Variants in ARFGEF3 observed in about 807,000 individuals in gnomAD.
ARFGEF3 encodes ARFGEF family member 3, also known as brefeldin A-inhibited guanine nucleotide-exchange protein 3.
ARFGEF3 carries 96 observed loss-of-function variants against 221.7 expected under a neutral mutation model. That is an observed-to-expected ratio of 0.43 (90% CI 0.37 to 0.51). ARFGEF3 has a LOEUF of 0.51. Among genes scored for constraint, ARFGEF3 ranks in the 20% least tolerant of loss-of-function variants. ARFGEF3 has a pLI of 0.00. For missense variants in ARFGEF3, 2,410 were observed against 2,789.9 expected, an observed-to-expected ratio of 0.86 and a Z score of 3.07; for synonymous variants, 1,145 against 1,126.8, an observed-to-expected ratio of 1.02 and a Z score of -0.32.
chr6:138,255,385 T>C, intron 9 of ARFGEF3, 51 bp from the exon 10 acceptor site: 1 of 1,378,846 alleles, frequency 7.3e-7, no homozygotes, highest in Non-Finnish European at 1.0e-6. Flanking sequence ...CAGAGTAAAT[T>C]TTATCATTTG....
At chr6:138,173,731 T>C (rs1037166961) in intron 2 of ARFGEF3, among the ~76,000 whole-genome samples, 2 of 152,198 alleles carry the variant, frequency 1.3e-5, no homozygotes, top group African/African-American at 2.4e-5. Context: ...CAACGATCTT[T>C]TGCTTTACCC....
chr6:138,305,945 A>G (rs1397483701), intron 22 of ARFGEF3, among the ~76,000 whole-genome samples: 1 of 152,152 alleles, frequency 6.6e-6, no homozygotes, highest in Non-Finnish European at 1.5e-5. Context: ...AATCAGTAAT[A>G]AGATGAGGAT....
intron 12 of ARFGEF3, among the ~76,000 whole-genome samples, chr6:138,272,566 T>C (rs1315067013): frequency 6.6e-6 from 1 of 152,254 alleles, no homozygotes; most frequent in East Asian, 1.9e-4. Flanking sequence ...TTAATACTGC[T>C]TATCTCAGCC....
At chr6:138,273,125 T>C (rs1025392192) in intron 12 of ARFGEF3, among the ~76,000 whole-genome samples, 1 of 152,230 alleles carries the variant, frequency 6.6e-6, no homozygotes, top group Admixed American at 6.5e-5. Context: ...ACATATGTAG[T>C]GTGATCTCGC....
At chr6:138,278,429 G>A in intron 12 of ARFGEF3, 22 bp from the exon 13 acceptor site, 2 of 1,611,118 alleles carry the variant, frequency 1.2e-6, no homozygotes, top group Non-Finnish European at 1.7e-6. Flanking sequence ...ACCCCCAAAA[G>A]TCCCTTCATT....
At chr6:138,305,087 A>T (rs7758313) in intron 22 of ARFGEF3, among the ~76,000 whole-genome samples, 31,137 of 150,972 alleles carry the variant, frequency 0.21, 3,510 homozygotes, top group East Asian at 0.45. Flanking sequence ...AAAAAAAAAA[A>T]CCTTCCCACA....
chr6:138,257,685 G>GC (rs1228108441), intron 10 of ARFGEF3, among the ~76,000 whole-genome samples: 1 of 152,128 alleles, frequency 6.6e-6, no homozygotes, highest in Non-Finnish European at 1.5e-5. Context: ...ATGACCCCCA[G>GC]CAGCCCCTTT....
chr6:138,284,247 G>C (rs1779246541), intron 14 of ARFGEF3, among the ~76,000 whole-genome samples: 1 of 152,174 alleles, frequency 6.6e-6, no homozygotes, highest in Non-Finnish European at 1.5e-5. Context: ...GGAAGTTGCA[G>C]TGAGCTGAGA....
chr6:138,334,517 C>G lies in ARFGEF3; in HGVS notation c.5671C>G (p.Pro1891Ala), dbSNP rs758993105. Residue 1891 changes from proline (P) to alanine (A), a missense_variant, in exon 33 of 34, where the codon CCT (proline) becomes GCT (alanine). Pro to Ala is a conservative substitution (Grantham distance 27). This residue lies in a region of ARFGEF3 where 723 missense variants were observed against 991.9 expected (regional missense o/e 0.73). Transcript: ENST00000251691. This position sits in a 1 kb window ranked among gnomAD's most constrained non-coding sequence, Gnocchi z 5.1. The part of the protein sequence containing the change: ...RARMPLLSVQ[P>A]VSNADWVWLV... ...ACGGATGCCCTTGCTCAGCGTCCAG[C>G]CTGTCAGCAACGCAGATTGGGTGTG... The G allele has an allele frequency of 1.9e-6, 3 of 1,612,530 alleles. No homozygotes were observed. In the African/African-American group the frequency reaches 4.0e-5, roughly 22 times the overall value.
At chr6:138,249,532 T>G (rs528906858) in intron 8 of ARFGEF3, among the ~76,000 whole-genome samples, 8 of 152,278 alleles carry the variant, frequency 5.3e-5, no homozygotes, top group Admixed American at 5.2e-4. Context: ...GGTTTCACCA[T>G]GTTGGCTAGG....
chr6:138,184,288 C>G (rs982481128), intron 2 of ARFGEF3, among the ~76,000 whole-genome samples: 5 of 151,924 alleles, frequency 3.3e-5, no homozygotes, highest in Non-Finnish European at 5.9e-5. Flanking sequence ...TAATATTCCC[C>G]CAAACAATGT....
chr6:138,286,557 T>A (rs940304763), intron 15 of ARFGEF3, 144 bp from the exon 16 acceptor site: 13 of 651,918 alleles, frequency 2.0e-5, no homozygotes, highest in East Asian at 1.1e-4. Flanking sequence ...TGAAACATAA[T>A]CCCATATAAT....
In ARFGEF3 at chr6:138,263,544, C is replaced by A; in HGVS notation, c.2061C>A (p.Leu687=). 1 of 1,613,224 alleles carries A rather than the reference C, an allele frequency of 6.2e-7. No homozygotes were observed. The highest frequency in any genetic ancestry group is 1.3e-5 in the African/African-American group (1 of 75,058). The change falls in exon 12 of 34, where the codon CTC becomes CTA. Residue 687 remains leucine, a synonymous_variant. Transcript: ENST00000251691. The part of the protein sequence containing the change: ...IQSLEGLLPR[L]LSLSNVEEVD... The stretch of plus-strand genomic sequence containing the variant: ...CCCTGGAAGGCCTCCTCCCTCGGCT[C>A]CTGTCTCTCTCCAATGTAGAGGAGG...
intron 8 of ARFGEF3, among the ~76,000 whole-genome samples, chr6:138,247,980 T>A (rs1432777597): frequency 6.6e-6 from 1 of 152,202 alleles, no homozygotes; most frequent in Non-Finnish European, 1.5e-5. Flanking sequence ...TTATAGGATT[T>A]TAACATGAGT....
chr6:138,204,697 A>G (rs141656151), intron 2 of ARFGEF3, among the ~76,000 whole-genome samples: 1 of 152,330 alleles, frequency 6.6e-6, no homozygotes, highest in East Asian at 1.9e-4. Context: ...ACTCTGCAGG[A>G]TTGGTCTTCA....
At chr6:138,296,111 A>G (rs1217121103) in intron 20 of ARFGEF3, among the ~76,000 whole-genome samples, 2 of 152,132 alleles carry the variant, frequency 1.3e-5, no homozygotes, top group Non-Finnish European at 2.9e-5. Flanking sequence ...TAGGGCACCA[A>G]GAGAGCCCCG....
intron 2 of ARFGEF3, among the ~76,000 whole-genome samples, chr6:138,189,845 C>T (rs887263723): frequency 1.4e-4 from 22 of 152,056 alleles, no homozygotes; most frequent in African/African-American, 4.8e-4. Flanking sequence ...TTTAGGAGGC[C>T]GAGGAGGGAG....
intron 2 of ARFGEF3, among the ~76,000 whole-genome samples, chr6:138,172,860 A>G (rs1022603998): frequency 6.6e-6 from 1 of 152,174 alleles, no homozygotes. Context: ...TGCTAACCAT[A>G]TTGACATTTT....
chr6:138,183,485 G>C (rs1470299239), intron 2 of ARFGEF3, among the ~76,000 whole-genome samples: 2 of 152,096 alleles, frequency 1.3e-5, no homozygotes, highest in African/African-American at 4.8e-5. Flanking sequence ...ACATGTTAAC[G>C]TCTGTATCGG....
Sources: gnomAD v4.1 joint callset for allele counts (sites outside exome capture counted in the v4.1 genomes callset) on GRCh38, gnomAD v4.1.1 for gene constraint, gnomAD v4.1.1 regional missense constraint, Gnocchi (gnomAD v3.1) non-coding constraint, MANE v1.5 for transcripts, NCBI Gene and HGNC (gene_info 2026-07-23, HGNC 2026-07-21) for gene names.